The following PATL2 variants were observed in gnomAD, a reference collection of about 807,000 sequenced individuals.
PATL2 encodes PAT1 homolog 2, also known as protein PAT1 homolog 2.
A neutral mutation model predicts 77.0 loss-of-function variants in PATL2; 73 were observed. The ratio of observed to expected loss-of-function variants is 0.95; its 90% CI spans 0.78 to 1.15. The LOEUF is 1.15. Ranked by LOEUF, PATL2 falls within the 50% of genes most tolerant of loss-of-function variation. PATL2 has a pLI of 0.00. For synonymous variants in PATL2, 265 were observed against 257.1 expected (o/e 1.03, Z -0.29); for missense variants, 618 against 655.4 (o/e 0.94, Z 0.62).
At position 44,665,989 on chromosome 15, in the gene PATL2, A is replaced by AT. The variant is rs1480283034; in HGVS notation, c.1614-19dup. ...AGGCAAACCTATAAAGAGAACAGAT[A>AT]TTAACTGCAAGCACAATTCTACTTT... On this transcript the variant is annotated intron_variant, in intron 17 of 17. Transcript: ENST00000682850. The AT allele has an allele frequency of 5.3e-6, 8 of 1,520,674 alleles. No homozygotes were observed. In the African/African-American group the frequency reaches 1.1e-4, roughly 21 times the overall value. 94.2% of individuals were successfully genotyped at this position (1,520,674 alleles called of 1,614,324 possible). A position where few individuals can be genotyped will look rare whatever the true frequency, so the allele number is the denominator to read the frequency against.
At chr15:44,696,257 G>A (rs1366747997) in intron 3 of PATL2, among the ~76,000 whole-genome samples, 3 of 152,092 alleles carry the variant, frequency 2.0e-5, no homozygotes, top group Non-Finnish European at 4.4e-5. Context: ...CTTCCCCAGG[G>A]AAAATTCTGG....
At chr15:44,694,864 C>A (rs140560476) in intron 3 of PATL2, among the ~76,000 whole-genome samples, 13 of 152,228 alleles carry the variant, frequency 8.5e-5, no homozygotes, top group African/African-American at 2.6e-4. Flanking sequence ...TGCCTTTCTT[C>A]CGAGGACCCT....
chr15:44,706,560 G>A (rs575572679), intron 3 of PATL2, among the ~76,000 whole-genome samples: 1 of 152,360 alleles, frequency 6.6e-6, no homozygotes, highest in Admixed American at 6.5e-5. Context: ...GAATTCTCTG[G>A]ATTACCAGGC....
At position 44,672,023 on chromosome 15, in the gene PATL2, A is replaced by T. The variant is rs1361024832; in HGVS notation, c.649T>A (p.Tyr217Asn). Reference protein sequence around the residue: ...QSAKPRLDDYYYQEYYQKLEK... With the variant: ...QSAKPRLDDYNYQEYYQKLEK... ...AGTACTGCGGGGCTCACCTGGTAAT[A>T]GTAGTCATCCAGGCGGGGTTTTGCA... The change falls in exon 9 of 18, where the codon TAT (tyrosine) becomes AAT (asparagine). Residue 217 changes from tyrosine to asparagine, a missense_variant. Physicochemically the swap from Tyr to Asn is moderately radical, Grantham distance 143. Coordinates refer to ENST00000682850, the MANE Select transcript of PATL2 (RefSeq NM_001387263.1). The T allele has an allele frequency of 1.3e-6, 2 of 1,551,698 alleles. No homozygotes were observed. Among genetic ancestry groups the T allele is most frequent in the East Asian group, 2.4e-5 (1 of 40,924 alleles).
intron 3 of PATL2, among the ~76,000 whole-genome samples, chr15:44,698,359 G>A (rs1455401368): frequency 1.3e-5 from 2 of 151,466 alleles, no homozygotes; most frequent in African/African-American, 4.9e-5. Context: ...TTATATTTTT[G>A]TATCCATTAA....
At chr15:44,704,575 TGTTATA>T (rs1376978050) in intron 3 of PATL2, among the ~76,000 whole-genome samples, 1 of 152,210 alleles carries the variant, frequency 6.6e-6, no homozygotes, top group Admixed American at 6.5e-5. Context: ...CTTGAAAAGT[TGTTATA>T]GTTATTAGTT....
intron 3 of PATL2, among the ~76,000 whole-genome samples, chr15:44,684,111 A>C (rs1425793907): frequency 6.6e-6 from 1 of 152,124 alleles, no homozygotes; most frequent in Non-Finnish European, 1.5e-5. Flanking sequence ...ATCAAAGACC[A>C]AAGGTAGATA....
chr15:44,675,244 G>T, intron 5 of PATL2: 1 of 497,414 alleles, frequency 2.0e-6, no homozygotes, highest in Admixed American at 3.8e-5. Context: ...CACCGCCTGT[G>T]GGCGATGCAC....
At chr15:44,671,572 G>A (rs1234293390) in intron 9 of PATL2, among the ~76,000 whole-genome samples, 1 of 151,932 alleles carries the variant, frequency 6.6e-6, no homozygotes, top group Non-Finnish European at 1.5e-5. Flanking sequence ...AATAAAGGCA[G>A]AAGGAAGCAG....
At chr15:44,673,463 A>G (rs538621398) in intron 6 of PATL2, 86 bp from the exon 7 acceptor site, 25 of 1,483,328 alleles carry the variant, frequency 1.7e-5, no homozygotes, top group African/African-American at 2.8e-5. Flanking sequence ...TTCCTTTCCT[A>G]CCTTTTCCCC....
chr15:44,666,401 G>T lies in PATL2; in HGVS notation c.1604C>A (p.Ala535Asp). ...VDKQLVQQLE[A>D]RMEFAWIY ...TTCTGCCATTACTTACTCCATCCTG[G>T]CCTCCAGCTGCTGAACCAATTGTTT... The change falls in exon 17 of 18, where the codon GCC becomes GAC. Residue 535 changes from alanine to aspartate, a missense_variant. Transcript: ENST00000682850. The T allele has an allele frequency of 6.4e-7, 1 of 1,551,654 alleles. No homozygotes were observed. The highest frequency in any genetic ancestry group is 8.7e-7 in the Non-Finnish European group (1 of 1,146,984).
At position 44,667,233 on chromosome 15, in the gene PATL2, A is replaced by G. The variant is rs141056347; in HGVS notation, c.1366-30T>C. ...AAGGGACATATATATATTCCAGAGC[A>G]AAATGAGTTCACACTCGGCATTTGG... On this transcript the variant is annotated intron_variant, in intron 15 of 17. Transcript: ENST00000682850. 2,799 of 1,497,330 alleles carry G rather than the reference A, an allele frequency of 1.9e-3. 5 individuals are homozygous for G. The highest frequency in any genetic ancestry group is 0.016 in the Middle Eastern group (96 of 5,896). The allele number at this position is 1,497,330 out of a possible 1,614,324, so 92.8% of individuals were successfully genotyped here.
intron 17 of PATL2, 65 bp downstream of exon 17, chr15:44,666,327 G>T (rs2085366819): frequency 2.0e-6 from 3 of 1,524,684 alleles, no homozygotes; most frequent in Non-Finnish European, 8.9e-7. Flanking sequence ...AAGTAGTGAA[G>T]CAAGTAACAG....
chr15:44,701,586 C>T (rs1022657817), intron 3 of PATL2, among the ~76,000 whole-genome samples: 1 of 151,002 alleles, frequency 6.6e-6, no homozygotes, highest in African/African-American at 2.4e-5. Flanking sequence ...CTTTCAGCTA[C>T]TCAGGAAGCT....
chr15:44,705,158 C>T (rs1455950197), intron 3 of PATL2, among the ~76,000 whole-genome samples: 5 of 152,080 alleles, frequency 3.3e-5, no homozygotes, highest in Admixed American at 3.3e-4. Flanking sequence ...ATCTCTCTCT[C>T]TACCTCCTCT....
chr15:44,671,135 G>A (rs2085652696), intron 9 of PATL2, among the ~76,000 whole-genome samples: 1 of 152,224 alleles, frequency 6.6e-6, no homozygotes, highest in Non-Finnish European at 1.5e-5. Flanking sequence ...AATACCTAAT[G>A]TAAATGAGAA....
At position 44,666,529 on chromosome 15, in the gene PATL2, C is replaced by T. The variant is rs760227863; in HGVS notation, c.1476G>A (p.Val492=). ...GGGCTATCTCCCAGGCAATCAGAAC[C>T]ACCATGTCTGTCCTAGAGAGCATAA... The part of the protein sequence containing the change: ...NSDHTAWTDM[V]VLIAWEIAQM... Residue 492 remains valine, a synonymous_variant, in exon 17 of 18, where the codon GTG becomes GTA. Coordinates refer to ENST00000682850, the MANE Select transcript of PATL2 (RefSeq NM_001387263.1). 42 of 1,550,062 alleles carry T rather than the reference C, an allele frequency of 2.7e-5. No individual in the cohort carries two copies. The highest frequency in any genetic ancestry group is 4.1e-5 in the African/African-American group (3 of 72,982).
chr15:44,672,238 C>T (rs537729416), intron 8 of PATL2, 82 bp from the exon 9 acceptor site: 2 of 1,547,050 alleles, frequency 1.3e-6, no homozygotes, highest in East Asian at 2.4e-5. Context: ...AAGTGGGGCT[C>T]TCTGGGAAGG....
chr15:44,710,068 C>T lies in PATL2; in HGVS notation c.-76+28G>A, dbSNP rs542271105. Reference sequence around the variant, plus strand: ...AGGTAAATAATATTAATAATTATAGCGCTTATTAAACACTACAGAACACTT... The same window carrying T: ...AGGTAAATAATATTAATAATTATAGTGCTTATTAAACACTACAGAACACTT... On this transcript the variant is annotated intron_variant, in intron 3 of 17. Transcript: ENST00000682850. Among the ~76,000 whole-genome samples, 20 of 152,208 alleles carry T rather than the reference C, an allele frequency of 1.3e-4. No individual in the cohort carries two copies. The South Asian group carries it at 2.9e-3, about 22-fold the overall frequency.
Sources: allele counts gnomAD v4.1 joint callset (sites outside exome capture counted in the v4.1 genomes callset), GRCh38; gene constraint gnomAD v4.1.1; transcripts MANE v1.5; gene names NCBI Gene and HGNC (gene_info 2026-07-23, HGNC 2026-07-21).